DOT1L: variants seen among roughly 807,000 people sequenced by gnomAD.
DOT1L encodes the protein histone-lysine N-methyltransferase, H3 lysine-79 specific.
DOT1L carries 33 observed loss-of-function variants against 153.3 expected under a neutral mutation model. That is an observed-to-expected ratio of 0.22 (90% CI 0.16 to 0.29). The LOEUF (loss-of-function observed/expected upper bound fraction) is 0.29. DOT1L is among the 10% of genes least tolerant of loss of function. DOT1L has a pLI of 1.00. For synonymous variants in DOT1L, 1,135 were observed against 965.1 expected (o/e 1.18, Z -3.26); for missense variants, 1,847 against 2,119.9 (o/e 0.87, Z 2.53).
At position 2,214,246 on chromosome 19, in the gene DOT1L, C is replaced by T. The variant is rs547152059; in HGVS notation, c.1798-225C>T. On this transcript the variant is annotated intron_variant, in intron 18 of 27. Coordinates refer to ENST00000398665, the MANE Select transcript of DOT1L (RefSeq NM_032482.3). The stretch of plus-strand genomic sequence containing the variant: ...GGCTCGAGGTGTGGGGTCATGCGAG[C>T]ATCCCACCATCGTGGTGTGGGTGCT... 3 of 866,376 alleles carry T rather than the reference C, an allele frequency of 3.5e-6. No homozygotes were observed. In the Admixed American group the frequency reaches 8.7e-5, roughly 25 times the overall value. 53.7% of individuals were successfully genotyped at this position (866,376 alleles called of 1,614,324 possible).
intron 25 of DOT1L, 71 bp from the exon 26 acceptor site, chr19:2,225,317 G>T: frequency 4.8e-6 from 7 of 1,473,630 alleles, no homozygotes; most frequent in Non-Finnish European, 6.6e-6. Context: ...TGGGCTGTTG[G>T]CTGTCAGCAT....
At chr19:2,200,486 T>C (rs1230530326) in intron 8 of DOT1L, among the ~76,000 whole-genome samples, 2 of 152,132 alleles carry the variant, frequency 1.3e-5, no homozygotes, top group Non-Finnish European at 2.9e-5. Flanking sequence ...ACGGGCTCTG[T>C]ATGGTTGGGC....
intron 27 of DOT1L, chr19:2,229,335 G>A (rs2024501900): frequency 1.0e-6 from 1 of 985,314 alleles, no homozygotes; most frequent in South Asian, 4.7e-5. Flanking sequence ...CTGCCTCAGG[G>A]GCCCCTGGGA....
chr19:2,224,933 T>C (rs1599620897), intron 25 of DOT1L, among the ~76,000 whole-genome samples: 2 of 152,308 alleles, frequency 1.3e-5, no homozygotes, highest in East Asian at 3.9e-4. Context: ...CTTGGGACAT[T>C]GGATCAAAGC....
At chr19:2,203,243 GCA>G (rs2023362967) in intron 9 of DOT1L, among the ~76,000 whole-genome samples, 2 of 152,218 alleles carry the variant, frequency 1.3e-5, no homozygotes, top group Non-Finnish European at 2.9e-5. Context: ...GGGATTACAG[GCA>G]CATGCCACCA....
intron 1 of DOT1L, among the ~76,000 whole-genome samples, chr19:2,175,764 A>G (rs1411183625): frequency 6.6e-6 from 1 of 152,134 alleles, no homozygotes; most frequent in Non-Finnish European, 1.5e-5. Context: ...CAGGAAGTGG[A>G]GGTTGCAGTG....
In DOT1L at chr19:2,207,430, C is replaced by G; in HGVS notation, c.857-144C>G. ...ACCTCCCTGGGCCGGCCTCTGTGGGCCACTGTGGCCTGACGCAGTGTGGGA... is the reference window on the plus strand; with the variant it reads ...ACCTCCCTGGGCCGGCCTCTGTGGGGCACTGTGGCCTGACGCAGTGTGGGA... On this transcript the variant is annotated intron_variant, in intron 10 of 27. Transcript: ENST00000398665. The surrounding 1 kb of genome is among the most constrained non-coding windows in gnomAD (Gnocchi z 4.5). 1 of 668,472 alleles carries G rather than the reference C, an allele frequency of 1.5e-6. No individual in the cohort carries two copies. The highest frequency in any genetic ancestry group is 2.5e-6 in the Non-Finnish European group (1 of 403,934). The allele number at this position is 668,472 out of a possible 1,614,324, so 41.4% of individuals were successfully genotyped here.
intron 19 of DOT1L, 104 bp downstream of exon 19, chr19:2,214,700 A>G: frequency 6.7e-7 from 1 of 1,481,704 alleles, no homozygotes; most frequent in Non-Finnish European, 9.0e-7. Context: ...GCAGCCTAGG[A>G]AGAAGGTGGA....
Position 2,213,890 on chromosome 19 carries a change from G to T in DOT1L, c.1701G>T (p.Ala567=), listed in dbSNP as rs776967359. ...KALTYNDLIQ[A]QKEISAHNQQ... is the part of the protein sequence containing the mutation. ...TGACCTACAACGACCTGATTCAAGCGCAGAAGGAGATCTCCGCCCATAACC... is the reference window on the plus strand; with the variant it reads ...TGACCTACAACGACCTGATTCAAGCTCAGAAGGAGATCTCCGCCCATAACC... The change falls in exon 18 of 28, where the codon GCG becomes GCT. Residue 567 remains alanine, a synonymous_variant. Transcript: ENST00000398665. 1.2e-6 allele frequency: 2 copies of T among 1,613,008 alleles called. No individual in the cohort carries two copies. Among genetic ancestry groups the T allele is most frequent in the Middle Eastern group, 1.6e-4 (1 of 6,084 alleles).
chr19:2,207,837 C>T lies in DOT1L; in HGVS notation c.963+157C>T, dbSNP rs1047833022. On this transcript the variant is annotated intron_variant, in intron 11 of 27. Coordinates refer to ENST00000398665, the MANE Select transcript of DOT1L (RefSeq NM_032482.3). The surrounding 1 kb of genome is among the most constrained non-coding windows in gnomAD (Gnocchi z 4.5). The stretch of plus-strand genomic sequence containing the variant: ...GAGCTCAGGCCCAGCTCCTCAAGGC[C>T]CCTCAGTACTGCTTGCACCGCAGGA... Among the ~76,000 whole-genome samples, 1 of 152,104 alleles carries T rather than the reference C, an allele frequency of 6.6e-6. No homozygotes were observed. The highest frequency in any genetic ancestry group is 2.4e-5 in the African/African-American group (1 of 41,418).
Position 2,226,548 on chromosome 19 carries a change from G to C in DOT1L, c.4027G>C (p.Glu1343Gln). 6.2e-7 allele frequency: 1 copy of C among 1,600,546 alleles called. No homozygotes were observed. Reference sequence around the variant, plus strand: ...TGCTTCTCTTCCCCACAAGGGCCCCGAGGCGGCCGGCCTGAGCTCCCCGCT... The same window carrying C: ...TGCTTCTCTTCCCCACAAGGGCCCCCAGGCGGCCGGCCTGAGCTCCCCGCT... ...DGASLPHKGP[E>Q]AAGLSSPLSF... The change falls in exon 27 of 28, where the codon GAG (glutamate) becomes CAG (glutamine). Residue 1343 changes from glutamate (E) to glutamine (Q), a missense_variant. By Grantham distance (29) the Glu-to-Gln change is conservative. Around this residue, in one of 8 missense-constraint regions of DOT1L, gnomAD observed 934 missense variants for 825.3 expected, o/e 1.13. Transcript: ENST00000398665.
At position 2,192,092 on chromosome 19, in the gene DOT1L, G is replaced by A. The variant is rs541890433; in HGVS notation, c.493+852G>A. On this transcript the variant is annotated intron_variant, in intron 5 of 27. Transcript: ENST00000398665. ...GCTGTCCCTGGGCTCCTTGGACCTC[G>A]ATGGACATGTGAACCTTGTGCCTGC... Among the ~76,000 whole-genome samples the A allele has an allele frequency of 1.4e-4, 21 of 152,330 alleles. No individual in the cohort carries two copies. The South Asian group carries it at 2.9e-3, about 21-fold the overall frequency.
At chr19:2,187,389 C>T (rs546874995) in intron 3 of DOT1L, among the ~76,000 whole-genome samples, 14 of 152,312 alleles carry the variant, frequency 9.2e-5, no homozygotes, top group African/African-American at 1.4e-4. Context: ...TTCCTCTTCG[C>T]GTGGGATGGG....
In DOT1L at chr19:2,230,511, G is replaced by C. The variant is rs898885149; in HGVS notation, c.*719G>C. On this transcript the variant is annotated 3_prime_UTR_variant, in exon 28 of 28. Coordinates refer to ENST00000398665, the MANE Select transcript of DOT1L (RefSeq NM_032482.3). The stretch of plus-strand genomic sequence containing the variant: ...CGATGGTGCTGTGAGGACGGCGCGG[G>C]CACGTTGAACAAGTGCATTTACTTT... 28 of 398,696 alleles carry C rather than the reference G, an allele frequency of 7.0e-5. No individual in the cohort carries two copies. Among genetic ancestry groups the C allele is most frequent in the Non-Finnish European group, 1.1e-4 (25 of 226,180 alleles). 24.7% of individuals were successfully genotyped at this position (398,696 alleles called of 1,614,324 possible). A position where few individuals can be genotyped will look rare whatever the true frequency, so the allele number is the denominator to read the frequency against.
chr19:2,210,563 G>C, intron 13 of DOT1L, 53 bp downstream of exon 13: 1 of 1,592,144 alleles, frequency 6.3e-7, no homozygotes, highest in Non-Finnish European at 8.6e-7. Flanking sequence ...CCCTGCCCGG[G>C]AGACCCCATG....
chr19:2,213,780 G>C (rs962067252), intron 17 of DOT1L, 69 bp from the exon 18 acceptor site: 1 of 1,607,174 alleles, frequency 6.2e-7, no homozygotes, highest in Admixed American at 1.7e-5. Flanking sequence ...TGCAGGGGTG[G>C]TCATGCCTGG....
rs372317923 is a variant in DOT1L, at chr19:2,231,855, C to G, written c.*2063C>G. ...TGCAGATGGCCATGCAGGGCTCCTGCCCACGCAGGCCACCGTATGTTCAGG... is the reference window on the plus strand; with the variant it reads ...TGCAGATGGCCATGCAGGGCTCCTGGCCACGCAGGCCACCGTATGTTCAGG... On this transcript the variant is annotated 3_prime_UTR_variant, in exon 28 of 28. Coordinates refer to ENST00000398665, the MANE Select transcript of DOT1L (RefSeq NM_032482.3). 1 of 219,854 alleles carries G rather than the reference C, an allele frequency of 4.5e-6. No individual in the cohort carries two copies. Among genetic ancestry groups the G allele is most frequent in the African/African-American group, 2.2e-5 (1 of 44,670 alleles). The allele number at this position is 219,854 out of a possible 1,614,324, so 13.6% of individuals were successfully genotyped here.
chr19:2,225,947 A>G (rs947662411), intron 26 of DOT1L, among the ~76,000 whole-genome samples: 1 of 151,902 alleles, frequency 6.6e-6, no homozygotes, highest in Admixed American at 6.6e-5. Context: ...TGTCCCATCC[A>G]GTCCCGTCCC....
At chr19:2,216,004 C>G (rs868226978) in intron 19 of DOT1L, 9 of 424,282 alleles carry the variant, frequency 2.1e-5, no homozygotes, top group Non-Finnish European at 3.4e-5. Context: ...CACTTAGAGT[C>G]TATTTTGAGA....
Sources: allele counts gnomAD v4.1 joint callset (sites outside exome capture counted in the v4.1 genomes callset), GRCh38; gene constraint gnomAD v4.1.1; regional missense constraint gnomAD v4.1.1; non-coding constraint Gnocchi (gnomAD v3.1); transcripts MANE v1.5; gene names NCBI Gene and HGNC (gene_info 2026-07-23, HGNC 2026-07-21).